ERCC2: variants seen among roughly 807,000 people sequenced by gnomAD.
ERCC2 encodes the protein ERCC excision repair 2, TFIIH core complex helicase subunit, also known as general transcription and DNA repair factor IIH helicase subunit XPD.
In ERCC2, 90 loss-of-function variants were observed where a neutral mutation model predicts 99.4. That is an observed-to-expected ratio of 0.91 (90% CI 0.76 to 1.08). The LOEUF (loss-of-function observed/expected upper bound fraction) is 1.08. Among genes scored for constraint, ERCC2 ranks in the 50% least tolerant of loss-of-function variants. ERCC2 has a pLI of 0.00. For synonymous variants in ERCC2, 497 were observed against 432.4 expected (o/e 1.15, Z -1.85); for missense variants, 993 against 1,038.1 (o/e 0.96, Z 0.60).
At chr19:45,355,067 G>A (rs1971966568) in intron 16 of ERCC2, among the ~76,000 whole-genome samples, 1 of 152,210 alleles carries the variant, frequency 6.6e-6, no homozygotes, top group African/African-American at 2.4e-5. Flanking sequence ...TGAAATGAGT[G>A]CAGAAGGGGC....
Position 45,364,867 on chromosome 19 carries a change from A to C in ERCC2, c.565T>G (p.Trp189Gly). The C allele has an allele frequency of 6.2e-7, 1 of 1,613,474 alleles. No individual in the cohort carries two copies. Among genetic ancestry groups the C allele is most frequent in the Admixed American group, 1.7e-5 (1 of 60,014 alleles). The change falls in exon 7 of 23, where the codon TGG becomes GGG. Residue 189 changes from tryptophan to glycine, a missense_variant. Trp to Gly is a radical substitution (Grantham distance 184). This residue lies in a region of ERCC2 where 909 missense variants were observed against 930.8 expected (regional missense o/e 0.98). Coordinates refer to ENST00000391945, the MANE Select transcript of ERCC2 (RefSeq NM_000400.4). ...TATCGAGCAAGGAAGTATGGGCACC[A>C]GCCCTGGCGCCGCCCCAGGGCCTTC... ...DLKALGRRQG[W>G]CPYFLARYSI...
chr19:45,350,008 G>T lies in ERCC2; in HGVS notation c.*1621C>A. Reference sequence around the variant, plus strand: ...CACCAGCCCAAAGTACAGCAGACAGGCTCAGAAACAGGAGGCTGCCTGTCC... The same window carrying T: ...CACCAGCCCAAAGTACAGCAGACAGTCTCAGAAACAGGAGGCTGCCTGTCC... On this transcript the variant is annotated 3_prime_UTR_variant, in exon 23 of 23. Coordinates refer to ENST00000391945, the MANE Select transcript of ERCC2 (RefSeq NM_000400.4). The T allele has an allele frequency of 2.2e-6, 1 of 444,670 alleles. No individual in the cohort carries two copies. Among genetic ancestry groups the T allele is most frequent in the Non-Finnish European group, 4.1e-6 (1 of 246,546 alleles). 27.5% of individuals were successfully genotyped at this position (444,670 alleles called of 1,614,324 possible). A position where few individuals can be genotyped will look rare whatever the true frequency, so the allele number is the denominator to read the frequency against.
Position 45,368,912 on chromosome 19 carries a change from G to C in ERCC2, c.246+18C>G. On this transcript the variant is annotated intron_variant, in intron 4 of 22. Coordinates refer to ENST00000391945, the MANE Select transcript of ERCC2 (RefSeq NM_000400.4). ...AGGGAACAGTGGGGCTGGAGCACCAGGATGAGTCCCAGCTTACCTTCTCAA... is the reference window on the plus strand; with the variant it reads ...AGGGAACAGTGGGGCTGGAGCACCACGATGAGTCCCAGCTTACCTTCTCAA... The C allele has an allele frequency of 1.2e-6, 2 of 1,613,226 alleles. No homozygotes were observed. Among genetic ancestry groups the C allele is most frequent in the Middle Eastern group, 1.6e-4 (1 of 6,062 alleles).
Position 45,350,215 on chromosome 19 carries a change from A to G in ERCC2, c.*1414T>C. The G allele has an allele frequency of 1.5e-6, 1 of 685,352 alleles. No individual in the cohort carries two copies. The highest frequency in any genetic ancestry group is 2.5e-6 in the Non-Finnish European group (1 of 407,202). 42.5% of individuals were successfully genotyped at this position (685,352 alleles called of 1,614,324 possible). Reference sequence around the variant, plus strand: ...GGCAGGAGGATCACTTGAGGCTAGGAGTTCAAGACCAGCCTGGGCAACATA... The same window carrying G: ...GGCAGGAGGATCACTTGAGGCTAGGGGTTCAAGACCAGCCTGGGCAACATA... On this transcript the variant is annotated 3_prime_UTR_variant, in exon 23 of 23. Transcript: ENST00000391945.
rs781231454 is a variant in ERCC2 at position 45,351,667 on chromosome 19, TCTC to T, written c.2242_2244del (p.Glu748del). 12 of 1,613,868 alleles carry T rather than the reference TCTC, an allele frequency of 7.4e-6. No individual in the cohort carries two copies. Among genetic ancestry groups the T allele is most frequent in the Admixed American group, 1.7e-5 (1 of 59,996 alleles). On this transcript the variant is annotated inframe_deletion, in exon 23 of 23. Transcript: ENST00000391945. ...GCAATCTGCTCTATCCTCTTCAGCG[TCTC>T]CTCTGATTCTAGCTGCTCCAGGCTG...
At chr19:45,359,921 C>T (rs1479297462) in intron 12 of ERCC2, among the ~76,000 whole-genome samples, 3 of 151,802 alleles carry the variant, frequency 2.0e-5, no homozygotes, top group African/African-American at 7.3e-5. Context: ...ACTATAGGTG[C>T]GTGCCACCAC....
intron 22 of ERCC2, 93 bp downstream of exon 22, chr19:45,352,093 TTGCTGAGGGCAGGAGGACAGGCA>T: frequency 8.1e-7 from 1 of 1,230,550 alleles, no homozygotes; most frequent in Non-Finnish European, 1.2e-6. Flanking sequence ...AAACTTCTCT[TTGCTGAGGGCAGGAGGACAGGCA>T]GGCTGAGGGT....
intron 12 of ERCC2, among the ~76,000 whole-genome samples, chr19:45,360,795 A>C (rs145720429): frequency 0.02 from 3,054 of 152,052 alleles, 95 homozygotes; most frequent in African/African-American, 0.069. Flanking sequence ...CTGGGATTAC[A>C]GGCATGAGCC....
At position 45,351,439 on chromosome 19, in the gene ERCC2, T is replaced by C; in HGVS notation, c.*190A>G. On this transcript the variant is annotated 3_prime_UTR_variant, in exon 23 of 23. Coordinates refer to ENST00000391945, the MANE Select transcript of ERCC2 (RefSeq NM_000400.4). ...TGGTGGGGTGAGAGGGGGTCTATCA[T>C]CTCCTGGCCCCCCCTTGCCTCTGGG... The C allele has an allele frequency of 6.3e-7, 1 of 1,586,582 alleles. No homozygotes were observed. Among genetic ancestry groups the C allele is most frequent in the Non-Finnish European group, 8.6e-7 (1 of 1,169,466 alleles).
intron 12 of ERCC2, chr19:45,358,856 G>A (rs765014747): frequency 5.1e-6 from 4 of 780,882 alleles, no homozygotes; most frequent in Non-Finnish European, 9.6e-6. Context: ...TAAGTTCTGG[G>A]GGGTTAGGGA....
At chr19:45,358,551 C>A (rs3916845) in intron 12 of ERCC2, 3 of 418,936 alleles carry the variant, frequency 7.2e-6, no homozygotes, top group South Asian at 5.0e-5. Context: ...CCATGGCCCC[C>A]ACATGCCTCC....
rs139002770 is a variant in ERCC2, at chr19:45,352,772, C to T, written c.1876G>A (p.Val626Ile). 8.7e-6 allele frequency: 14 copies of T among 1,603,062 alleles called. No individual in the cohort carries two copies. The highest frequency in any genetic ancestry group is 3.3e-4 in the Middle Eastern group (2 of 6,010). ...TTGAGAATGCGGCTCTGTGTGTAGACGTAGGGGACGCCAAACATGATGACG... is the reference window on the plus strand; with the variant it reads ...TTGAGAATGCGGCTCTGTGTGTAGATGTAGGGGACGCCAAACATGATGACG... ...RAVIMFGVPY[V>I]YTQSRILKAR... Residue 626 changes from valine (V) to isoleucine (I), a missense_variant, in exon 20 of 23, where the codon GTC (valine) becomes ATC (isoleucine). This residue lies in a region of ERCC2 where 909 missense variants were observed against 930.8 expected (regional missense o/e 0.98). Coordinates refer to ENST00000391945, the MANE Select transcript of ERCC2 (RefSeq NM_000400.4).
At chr19:45,363,964 G>GT (rs397815076) in intron 10 of ERCC2, 22 bp downstream of exon 10, 1 of 1,537,696 alleles carries the variant, frequency 6.5e-7, no homozygotes, top group African/African-American at 1.4e-5. Flanking sequence ...GGACTGGGGG[G>GT]CAGCGGGGGG....
At chr19:45,358,877 T>C (rs915962428) in intron 12 of ERCC2, 2 of 780,774 alleles carry the variant, frequency 2.6e-6, no homozygotes, top group Non-Finnish European at 4.8e-6. Flanking sequence ...TGAGATCTTT[T>C]TTGGTTCCTG....
At chr19:45,364,584 C>CACCCCA (rs1409513553) in intron 7 of ERCC2, 37 bp from the exon 8 acceptor site, 2 of 1,609,918 alleles carry the variant, frequency 1.2e-6, no homozygotes, top group Non-Finnish European at 1.7e-6. Context: ...AGGGCCCTGC[C>CACCCCA]ACCCCAACCC....
At chr19:45,359,381 G>A (rs1230606802) in intron 12 of ERCC2, among the ~76,000 whole-genome samples, 1 of 152,186 alleles carries the variant, frequency 6.6e-6, no homozygotes. Context: ...CCAGCCCCAG[G>A]GCAAGGGCCC....
At position 45,351,087 on chromosome 19, in the gene ERCC2, GGCGGTCGGGCCA is replaced by G; in HGVS notation, c.*530_*541del. On this transcript the variant is annotated 3_prime_UTR_variant, in exon 23 of 23. Transcript: ENST00000391945. ...AGGTGCAGAGATGAGGCAAAGGCAG[GGCGGTCGGGCCA>G]GTGGTGGAGTCAGCAGGTGGTGGGT... is the stretch of plus-strand genomic sequence containing the variant. 1.2e-6 allele frequency: 2 copies of G among 1,612,576 alleles called. No homozygotes were observed. Among genetic ancestry groups the G allele is most frequent in the Non-Finnish European group, 1.7e-6 (2 of 1,179,308 alleles).
Position 45,350,496 on chromosome 19 carries a change from C to T in ERCC2, c.*1133G>A, listed in dbSNP as rs1235571236. 2.5e-6 allele frequency: 4 copies of T among 1,613,690 alleles called. No individual in the cohort carries two copies. The highest frequency in any genetic ancestry group is 3.4e-6 in the Non-Finnish European group (4 of 1,179,852). On this transcript the variant is annotated 3_prime_UTR_variant, in exon 23 of 23. Transcript: ENST00000391945. ...TTCTCTATGTCCCCATCTCAGTGTC[C>T]CCCATCTTTCCCCCTAGGTGCCCCC...
chr19:45,370,092 C>A, intron 2 of ERCC2, 41 bp downstream of exon 2: 4 of 1,605,340 alleles, frequency 2.5e-6, no homozygotes, highest in South Asian at 1.1e-5. Flanking sequence ...CGTGGCAGCC[C>A]CACCGGTCGA....
Sources: gnomAD v4.1 joint callset for allele counts (sites outside exome capture counted in the v4.1 genomes callset) on GRCh38, gnomAD v4.1.1 for gene constraint, gnomAD v4.1.1 regional missense constraint, MANE v1.5 for transcripts, NCBI Gene and HGNC (gene_info 2026-07-23, HGNC 2026-07-21) for gene names.